TMEM192: variants seen among roughly 807,000 people sequenced by gnomAD.
TMEM192 encodes transmembrane protein 192.
TMEM192 carries 20 observed loss-of-function variants against 26.7 expected under a neutral mutation model. The observed-to-expected ratio is 0.75, with a 90% confidence interval of 0.53 to 1.09. The LOEUF (loss-of-function observed/expected upper bound fraction) is 1.09, where lower values mean the gene tolerates loss of function less well. Among genes scored for constraint, TMEM192 ranks in the 50% least tolerant of loss-of-function variants. The probability of loss-of-function intolerance (pLI) is 0.00; values close to 1 mark genes in which losing one functional copy is unlikely to be tolerated. For synonymous variants in TMEM192, 124 were observed against 121.0 expected, an observed-to-expected ratio of 1.02 and a Z score of -0.16; for missense variants, 304 against 322.6, an observed-to-expected ratio of 0.94 and a Z score of 0.44.
chr4:165,112,610 G>A (rs780478243), intron 1 of TMEM192, 137 bp downstream of exon 1: 52 of 1,308,998 alleles, frequency 4.0e-5, no homozygotes, highest in Non-Finnish European at 5.4e-5. Context: ...AGGCCTCCCC[G>A]GGCACAGGCG....
intron 4 of TMEM192, among the ~76,000 whole-genome samples, chr4:165,086,093 T>A (rs1734609996): frequency 6.6e-6 from 1 of 152,088 alleles, no homozygotes; most frequent in Non-Finnish European, 1.5e-5. Flanking sequence ...TCTAAGACAG[T>A]ATGGAAAGTA....
At position 165,079,797 on chromosome 4, in the gene TMEM192, CT is replaced by C. The variant is rs1465761845; in HGVS notation, c.678-2del. On this transcript the variant is annotated splice_acceptor_variant, in intron 5 of 5. Transcript: ENST00000306480. LOFTEE classifies it high-confidence loss of function. ...AATTTCTTCTAGGCTTGAAATAGTT[CT>C]GCAAGTAATCAAGATATAAATGGGT... The C allele has an allele frequency of 1.9e-6, 3 of 1,613,288 alleles. No homozygotes were observed. Among genetic ancestry groups the C allele is most frequent in the Non-Finnish European group, 2.5e-6 (3 of 1,179,624 alleles).
chr4:165,086,232 A>T (rs1330293496), intron 4 of TMEM192, among the ~76,000 whole-genome samples: 1 of 152,192 alleles, frequency 6.6e-6, no homozygotes, highest in East Asian at 1.9e-4. Flanking sequence ...TGAGCCCAGG[A>T]ATTAATCACA....
At chr4:165,101,874 G>C (rs1306615193) in intron 2 of TMEM192, among the ~76,000 whole-genome samples, 1 of 152,208 alleles carries the variant, frequency 6.6e-6, no homozygotes, top group East Asian at 1.9e-4. Context: ...GAGGGATACG[G>C]TCCCTGCAGA....
intron 1 of TMEM192, among the ~76,000 whole-genome samples, chr4:165,107,730 C>T (rs1735199060): frequency 1.3e-5 from 2 of 152,178 alleles, no homozygotes; most frequent in Non-Finnish European, 2.9e-5. Flanking sequence ...CATCTCTACA[C>T]CAGCTCTACT....
intron 2 of TMEM192, among the ~76,000 whole-genome samples, chr4:165,102,476 C>T (rs1735058495): frequency 6.6e-6 from 1 of 152,066 alleles, no homozygotes; most frequent in Admixed American, 6.6e-5. Context: ...CTCTCAACTC[C>T]CTTTTAAAAA....
intron 1 of TMEM192, among the ~76,000 whole-genome samples, chr4:165,109,604 A>C (rs1439728890): frequency 9.2e-5 from 14 of 152,166 alleles, no homozygotes. Context: ...ACCTCAGGTG[A>C]TCCACCCGCC....
At chr4:165,109,973 T>G (rs968626490) in intron 1 of TMEM192, among the ~76,000 whole-genome samples, 2 of 152,230 alleles carry the variant, frequency 1.3e-5, no homozygotes, top group Non-Finnish European at 2.9e-5. Flanking sequence ...TTGTTTTCCT[T>G]TTCATGGGTG....
At chr4:165,104,772 C>T (rs1283071826) in intron 1 of TMEM192, among the ~76,000 whole-genome samples, 1 of 152,120 alleles carries the variant, frequency 6.6e-6, no homozygotes, top group Non-Finnish European at 1.5e-5. Flanking sequence ...CCCAGGTGAT[C>T]CGCCTGCCTC....
chr4:165,096,629 C>T (rs1047426169), intron 3 of TMEM192, among the ~76,000 whole-genome samples: 7 of 144,532 alleles, frequency 4.8e-5, no homozygotes, highest in African/African-American at 1.3e-4. Context: ...ATAGATTTAT[C>T]TTTTTTTTTT....
At chr4:165,086,119 T>C (rs1734610418) in intron 4 of TMEM192, among the ~76,000 whole-genome samples, 2 of 152,154 alleles carry the variant, frequency 1.3e-5, no homozygotes, top group Non-Finnish European at 2.9e-5. Flanking sequence ...AATAGAAGCT[T>C]GTGCAAGAGG....
At chr4:165,104,287 G>A (rs1735113005) in intron 1 of TMEM192, among the ~76,000 whole-genome samples, 1 of 152,078 alleles carries the variant, frequency 6.6e-6, no homozygotes, top group Admixed American at 6.6e-5. Context: ...AAAAAATTTA[G>A]GTCAGCTAAC....
chr4:165,073,313 T>C lies in TMEM192; in HGVS notation c.*6345A>G, dbSNP rs2111249839. 6.6e-6 allele frequency: 1 copy of C among 152,378 alleles called. No individual in the cohort carries two copies. The highest frequency in any genetic ancestry group is 1.9e-4 in the East Asian group (1 of 5,196). The allele number at this position is 152,378 out of a possible 1,614,324, so 9.4% of individuals were successfully genotyped here. On this transcript the variant is annotated 3_prime_UTR_variant, in exon 6 of 6. Transcript: ENST00000306480. ...TGCTGTATTGGATCAGTTTAATGGA[T>C]TTAGGGCTGTGCAGGATGTGCCTTG...
Position 165,072,243 on chromosome 4 carries a change from A to T in TMEM192, c.*7415T>A, listed in dbSNP as rs1216094643. On this transcript the variant is annotated 3_prime_UTR_variant, in exon 6 of 6. Coordinates refer to ENST00000306480, the MANE Select transcript of TMEM192 (RefSeq NM_001100389.2). ...CATCTCAAGAAAAAAGAAAGAAAGA[A>T]AAAGAAAAAGAAAAACACTATTATA... 1 of 151,080 alleles carries T rather than the reference A, an allele frequency of 6.6e-6. No homozygotes were observed. Among genetic ancestry groups the T allele is most frequent in the Non-Finnish European group, 1.5e-5 (1 of 67,960 alleles). 9.4% of individuals were successfully genotyped at this position (151,080 alleles called of 1,614,324 possible).
intron 3 of TMEM192, among the ~76,000 whole-genome samples, chr4:165,096,279 G>A (rs1734898800): frequency 6.6e-6 from 1 of 151,890 alleles, no homozygotes; most frequent in Non-Finnish European, 1.5e-5. Flanking sequence ...GTGGTGGTGC[G>A]TGCCTGTAGT....
rs1047339879 is a variant in TMEM192 at position 165,076,110 on chromosome 4, T to G, written c.*3548A>C. On this transcript the variant is annotated 3_prime_UTR_variant, in exon 6 of 6. Coordinates refer to ENST00000306480, the MANE Select transcript of TMEM192 (RefSeq NM_001100389.2). ...TCAAATAATTGTTTTGCTTTATATT[T>G]TTCCATATTGCCATTTTTTAAAAAA... 1.3e-5 allele frequency: 2 copies of G among 152,154 alleles called. No individual in the cohort carries two copies. Among genetic ancestry groups the G allele is most frequent in the Non-Finnish European group, 2.9e-5 (2 of 68,036 alleles). 9.4% of individuals were successfully genotyped at this position (152,154 alleles called of 1,614,324 possible). A position where few individuals can be genotyped will look rare whatever the true frequency, so the allele number is the denominator to read the frequency against.
At chr4:165,080,643 A>G (rs1734498890) in intron 5 of TMEM192, among the ~76,000 whole-genome samples, 1 of 152,142 alleles carries the variant, frequency 6.6e-6, no homozygotes, top group African/African-American at 2.4e-5. Context: ...AACAAAAAAG[A>G]TTTATTCTTA....
intron 3 of TMEM192, among the ~76,000 whole-genome samples, chr4:165,093,962 T>C (rs1170390401): frequency 1.3e-5 from 2 of 152,142 alleles, no homozygotes; most frequent in African/African-American, 4.8e-5. Context: ...TGCAATGACA[T>C]GATCTTGGCT....
intron 3 of TMEM192, among the ~76,000 whole-genome samples, chr4:165,088,938 G>A (rs924101379): frequency 6.7e-6 from 1 of 149,500 alleles, no homozygotes; most frequent in African/African-American, 2.5e-5. Context: ...CTACCTGGGA[G>A]GCTAAGGTGG....
Sources: gnomAD v4.1 joint callset for allele counts (sites outside exome capture counted in the v4.1 genomes callset) on GRCh38, gnomAD v4.1.1 for gene constraint, MANE v1.5 for transcripts, NCBI Gene and HGNC (gene_info 2026-07-23, HGNC 2026-07-21) for gene names.